ACVR1: variants seen among roughly 807,000 people sequenced by gnomAD.
The protein encoded by ACVR1 is activin A receptor type 1.
ACVR1 carries 38 observed loss-of-function variants against 57.1 expected under a neutral mutation model. The ratio of observed to expected loss-of-function variants is 0.67; its 90% confidence interval spans 0.51 to 0.87. The LOEUF is 0.87. ACVR1 is among the 40% of genes least tolerant of loss of function. The probability of loss-of-function intolerance (pLI) is 0.00; values close to 1 mark genes in which losing one functional copy is unlikely to be tolerated. For missense variants in ACVR1, 463 were observed against 638.2 expected (o/e 0.73, Z 2.96); for synonymous variants, 212 against 228.1 (o/e 0.93, Z 0.63).
intron 1 of ACVR1, among the ~76,000 whole-genome samples, chr2:157,819,745 G>A (rs1024484973): frequency 7.0e-6 from 1 of 141,958 alleles, no homozygotes; most frequent in African/African-American, 3.2e-5. Context: ...GAAGAGGAGG[G>A]GAGGCTCTAG....
intron 9 of ACVR1, among the ~76,000 whole-genome samples, chr2:157,748,510 A>C (rs1457480345): frequency 1.3e-5 from 2 of 152,196 alleles, no homozygotes; most frequent in Non-Finnish European, 2.9e-5. Flanking sequence ...AGAACTTTAT[A>C]AATCTGCAAA....
chr2:157,749,667 C>T (rs901306617), intron 9 of ACVR1, among the ~76,000 whole-genome samples: 1 of 152,180 alleles, frequency 6.6e-6, no homozygotes, highest in Non-Finnish European at 1.5e-5. Flanking sequence ...GAAATACGGA[C>T]CAGTCCACCT....
At chr2:157,836,407 A>G (rs1289897341) in intron 1 of ACVR1, among the ~76,000 whole-genome samples, 1 of 152,198 alleles carries the variant, frequency 6.6e-6, no homozygotes, top group African/African-American at 2.4e-5. Flanking sequence ...CACAATCTAC[A>G]TGGGGTTTCC....
At chr2:157,803,101 A>G (rs1051317603) in intron 2 of ACVR1, among the ~76,000 whole-genome samples, 1 of 152,020 alleles carries the variant, frequency 6.6e-6, no homozygotes, top group African/African-American at 2.4e-5. Flanking sequence ...CAAGCTTCAA[A>G]TCAAGACTCC....
chr2:157,769,258 T>C (rs1279635152), intron 7 of ACVR1, among the ~76,000 whole-genome samples: 1 of 152,184 alleles, frequency 6.6e-6, no homozygotes, highest in Admixed American at 6.5e-5. Context: ...CCAGGGAGTC[T>C]TGAATACCAG....
In ACVR1 at chr2:157,737,287, G is replaced by A; in HGVS notation, c.*244C>T. On this transcript the variant is annotated 3_prime_UTR_variant, in exon 11 of 11. Transcript: ENST00000434821. Reference sequence around the variant, plus strand: ...AGTCCCTACCTTTGCAACAGTGTCTGTCCAACATTAGTCTCTGCAGTGTGA... The same window carrying A: ...AGTCCCTACCTTTGCAACAGTGTCTATCCAACATTAGTCTCTGCAGTGTGA... 1 of 572,416 alleles carries A rather than the reference G, an allele frequency of 1.7e-6. No homozygotes were observed. Among genetic ancestry groups the A allele is most frequent in the Non-Finnish European group, 3.1e-6 (1 of 317,750 alleles). 35.5% of individuals were successfully genotyped at this position (572,416 alleles called of 1,614,324 possible).
At chr2:157,813,066 G>C (rs1229438209) in intron 2 of ACVR1, among the ~76,000 whole-genome samples, 1 of 152,094 alleles carries the variant, frequency 6.6e-6, no homozygotes, top group Non-Finnish European at 1.5e-5. Flanking sequence ...TTCTTCATGG[G>C]GGGAGAGGGT....
intron 9 of ACVR1, among the ~76,000 whole-genome samples, chr2:157,760,099 C>T (rs550638955): frequency 3.9e-5 from 6 of 152,086 alleles, no homozygotes; most frequent in Non-Finnish European, 5.9e-5. Context: ...CTAGGCAGAG[C>T]AATCAAGCAA....
At chr2:157,793,704 A>C (rs1347261403) in intron 3 of ACVR1, among the ~76,000 whole-genome samples, 1 of 152,244 alleles carries the variant, frequency 6.6e-6, no homozygotes, top group African/African-American at 2.4e-5. Flanking sequence ...CAAATGTAAT[A>C]CTAAGACATT....
intron 3 of ACVR1, among the ~76,000 whole-genome samples, chr2:157,784,210 G>A (rs917783849): frequency 1.9e-4 from 29 of 152,138 alleles, no homozygotes; most frequent in Non-Finnish European, 4.4e-5. Flanking sequence ...GGTGGGGTTC[G>A]AGAATGATCA....
rs568902830 is a variant in ACVR1 at position 157,865,611 on chromosome 2, G to C, written c.-183+10185C>G. ...GTTGGAGACCAGCCTGGCCAACATG[G>C]AGAAACCCTGTCTCTACTTAAAAAT... On this transcript the variant is annotated intron_variant, in intron 1 of 10. Coordinates refer to ENST00000434821, the MANE Select transcript of ACVR1 (RefSeq NM_001111067.4). Among the ~76,000 whole-genome samples the C allele has an allele frequency of 2.0e-5, 3 of 152,016 alleles. No homozygotes were observed. In the East Asian group the frequency reaches 5.8e-4, roughly 29 times the overall value.
chr2:157,766,204 G>A lies in ACVR1; in HGVS notation c.791-8C>T. On this transcript the variant is annotated splice_region_variant and splice_polypyrimidine_tract_variant and intron_variant, in intron 7 of 10. Coordinates refer to ENST00000434821, the MANE Select transcript of ACVR1 (RefSeq NM_001111067.4). The stretch of plus-strand genomic sequence containing the variant: ...TGTCTGAAGCAATGAAACCTGGAGA[G>A]AGCAAGAAAAAAATTAATATACATG... 6.2e-7 allele frequency: 1 copy of A among 1,613,650 alleles called. No individual in the cohort carries two copies. Among genetic ancestry groups the A allele is most frequent in the Non-Finnish European group, 8.5e-7 (1 of 1,179,816 alleles).
At chr2:157,764,962 T>C (rs1262668003) in intron 8 of ACVR1, among the ~76,000 whole-genome samples, 4 of 152,086 alleles carry the variant, frequency 2.6e-5, no homozygotes, top group Non-Finnish European at 4.4e-5. Flanking sequence ...CAAACAAAAA[T>C]AAACTTTGTT....
intron 8 of ACVR1, among the ~76,000 whole-genome samples, chr2:157,763,444 C>T (rs990479935): frequency 2.6e-5 from 4 of 152,146 alleles, no homozygotes; most frequent in Admixed American, 2.0e-4. Flanking sequence ...ACAGACGAGG[C>T]ACAGTGGCTC....
intron 1 of ACVR1, among the ~76,000 whole-genome samples, chr2:157,842,217 G>C (rs776670559): frequency 3.0e-4 from 45 of 152,198 alleles, no homozygotes; most frequent in Admixed American, 2.3e-3. Context: ...TCATCTCCAG[G>C]ACTGGCACAG....
intron 2 of ACVR1, among the ~76,000 whole-genome samples, chr2:157,807,207 G>T (rs1392209280): frequency 1.3e-5 from 2 of 152,208 alleles, no homozygotes; most frequent in African/African-American, 4.8e-5. Context: ...AGGCTACTAT[G>T]TAAGAATCAA....
intron 9 of ACVR1, among the ~76,000 whole-genome samples, chr2:157,747,077 G>C (rs554908589): frequency 3.9e-5 from 6 of 152,088 alleles, no homozygotes; most frequent in Non-Finnish European, 8.8e-5. Context: ...AATGCATTCA[G>C]AAACTCAAAG....
At chr2:157,872,444 T>C (rs1690141414) in intron 1 of ACVR1, among the ~76,000 whole-genome samples, 2 of 152,184 alleles carry the variant, frequency 1.3e-5, no homozygotes, top group Admixed American at 6.5e-5. Flanking sequence ...AAGGTGATGC[T>C]GAAAAGTGCT....
At chr2:157,825,891 T>G (rs1688328709) in intron 1 of ACVR1, among the ~76,000 whole-genome samples, 1 of 152,160 alleles carries the variant, frequency 6.6e-6, no homozygotes, top group South Asian at 2.1e-4. Flanking sequence ...AACACACGAC[T>G]CCCTAAACAG....
Sources: gnomAD v4.1 joint callset for allele counts (sites outside exome capture counted in the v4.1 genomes callset) on GRCh38, gnomAD v4.1.1 for gene constraint, MANE v1.5 for transcripts, NCBI Gene and HGNC (gene_info 2026-07-23, HGNC 2026-07-21) for gene names.